ZNRF2: variants seen among roughly 807,000 people sequenced by gnomAD.
ZNRF2 encodes E3 ubiquitin-protein ligase ZNRF2.
A neutral mutation model predicts 20.4 loss-of-function variants in ZNRF2; 16 were observed. That is an observed-to-expected ratio of 0.79 (90% CI 0.53 to 1.19). ZNRF2 has a LOEUF of 1.19. Among genes scored for constraint, ZNRF2 ranks in the 50% most tolerant of loss-of-function variants. The pLI is 0.00. For missense variants in ZNRF2, 363 were observed against 332.4 expected (o/e 1.09, Z -0.72); for synonymous variants, 178 against 144.9 (o/e 1.23, Z -1.64).
chr7:30,313,471 AGTTTGT>A (rs1371545056), intron 1 of ZNRF2, among the ~76,000 whole-genome samples: 1 of 152,056 alleles, frequency 6.6e-6, no homozygotes, highest in Non-Finnish European at 1.5e-5. Context: ...TTCTCCCTCT[AGTTTGT>A]GAATTCCCAG....
chr7:30,312,596 T>C (rs1799308272), intron 1 of ZNRF2, among the ~76,000 whole-genome samples: 1 of 152,238 alleles, frequency 6.6e-6, no homozygotes, highest in South Asian at 2.1e-4. Context: ...AATATATATG[T>C]CACTCTGCGT....
At chr7:30,298,693 T>G (rs4000229) in intron 1 of ZNRF2, among the ~76,000 whole-genome samples, 300 of 152,336 alleles carry the variant, frequency 2.0e-3, no homozygotes, top group Non-Finnish European at 3.8e-3. Context: ...ACTTTTCCCT[T>G]TCCTAATAAC....
chr7:30,290,058 G>T (rs1798872998), intron 1 of ZNRF2, among the ~76,000 whole-genome samples: 1 of 152,046 alleles, frequency 6.6e-6, no homozygotes. Flanking sequence ...TGTATAATTG[G>T]GTATATTGGC....
At chr7:30,317,713 T>A (rs1399878101) in intron 1 of ZNRF2, among the ~76,000 whole-genome samples, 1 of 152,202 alleles carries the variant, frequency 6.6e-6, no homozygotes, top group East Asian at 1.9e-4. Flanking sequence ...AGCCTAGGAA[T>A]CAGAAGAGCT....
At chr7:30,285,856 C>T (rs751430448) in intron 1 of ZNRF2, 30 bp downstream of exon 1, 9 of 1,436,516 alleles carry the variant, frequency 6.3e-6, no homozygotes, top group Admixed American at 5.9e-5. Flanking sequence ...CACCCGCGCT[C>T]GGTCCTCCCG....
intron 1 of ZNRF2, among the ~76,000 whole-genome samples, chr7:30,297,336 T>C (rs377313142): frequency 6.6e-6 from 1 of 152,208 alleles, no homozygotes. Flanking sequence ...CTCTCTCTTA[T>C]GTTCAGTTTC....
chr7:30,347,038 C>T (rs1450727089), intron 2 of ZNRF2, among the ~76,000 whole-genome samples: 2 of 152,012 alleles, frequency 1.3e-5, no homozygotes, highest in Non-Finnish European at 2.9e-5. Flanking sequence ...AAGTTGTCAT[C>T]ATTGTTGCCT....
chr7:30,360,623 C>T (rs1458005128), intron 3 of ZNRF2, among the ~76,000 whole-genome samples: 1 of 151,906 alleles, frequency 6.6e-6, no homozygotes, highest in Admixed American at 6.6e-5. Flanking sequence ...ACCCGGGAGG[C>T]GGCAGAGTTT....
chr7:30,354,345 C>T (rs1288621920), intron 2 of ZNRF2, among the ~76,000 whole-genome samples: 1 of 152,124 alleles, frequency 6.6e-6, no homozygotes, highest in Non-Finnish European at 1.5e-5. Flanking sequence ...CTGATATAAA[C>T]CCTTCTTGCT....
intron 1 of ZNRF2, among the ~76,000 whole-genome samples, chr7:30,322,964 C>G (rs1390206337): frequency 6.6e-6 from 1 of 152,142 alleles, no homozygotes; most frequent in East Asian, 1.9e-4. Context: ...CAGGCAAATA[C>G]TTAGTAGTGC....
At chr7:30,327,277 A>G (rs1025599872) in intron 2 of ZNRF2, among the ~76,000 whole-genome samples, 1 of 152,152 alleles carries the variant, frequency 6.6e-6, no homozygotes, top group African/African-American at 2.4e-5. Flanking sequence ...TTTTACATTT[A>G]AGTCTTTAAT....
At position 30,285,370 on chromosome 7, in the gene ZNRF2, C is replaced by A; in HGVS notation, c.13C>A (p.Gln5Lys). 1 of 1,213,098 alleles carries A rather than the reference C, an allele frequency of 8.2e-7. No individual in the cohort carries two copies. The highest frequency in any genetic ancestry group is 3.6e-5 in the Admixed American group (1 of 27,554). The allele number at this position is 1,213,098 out of a possible 1,614,324, so 75.1% of individuals were successfully genotyped here. Residue 5 changes from glutamine to lysine, a missense_variant, in exon 1 of 5, where the codon CAG becomes AAG. By Grantham distance (53) the Gln-to-Lys change is moderately conservative. Transcript: ENST00000323037. MGAK[Q>K]SGPAAANGRT... Reference sequence around the variant, plus strand: ...GGGCAGGGCGGACATGGGCGCCAAACAGAGCGGCCCGGCCGCCGCTAACGG... The same window carrying A: ...GGGCAGGGCGGACATGGGCGCCAAAAAGAGCGGCCCGGCCGCCGCTAACGG...
intron 2 of ZNRF2, among the ~76,000 whole-genome samples, chr7:30,333,609 C>T (rs1418889590): frequency 6.6e-6 from 1 of 152,110 alleles, no homozygotes; most frequent in Non-Finnish European, 1.5e-5. Context: ...ACCTTGTGAT[C>T]CTTCCGCCTC....
chr7:30,344,084 G>C (rs895873658), intron 2 of ZNRF2, among the ~76,000 whole-genome samples: 3 of 151,384 alleles, frequency 2.0e-5, no homozygotes, highest in Non-Finnish European at 4.4e-5. Flanking sequence ...CATACACCCA[G>C]CTAATTTTTG....
Position 30,285,365 on chromosome 7 carries a change from C to T in ZNRF2, c.8C>T (p.Ala3Val). 1 of 1,205,458 alleles carries T rather than the reference C, an allele frequency of 8.3e-7. No individual in the cohort carries two copies. The allele number at this position is 1,205,458 out of a possible 1,614,324, so 74.7% of individuals were successfully genotyped here. ...GCCCGGGGCAGGGCGGACATGGGCG[C>T]CAAACAGAGCGGCCCGGCCGCCGCT... MG[A>V]KQSGPAAANG... The change falls in exon 1 of 5, where the codon GCC (alanine) becomes GTC (valine). Residue 3 changes from alanine to valine, a missense_variant. This residue lies in a region of ZNRF2 where 302 missense variants were observed against 231.5 expected (regional missense o/e 1.30). Coordinates refer to ENST00000323037, the MANE Select transcript of ZNRF2 (RefSeq NM_147128.4).
rs763439410 is a variant in ZNRF2, at chr7:30,285,744, C to G, written c.387C>G (p.Asp129Glu). The change falls in exon 1 of 5, where the codon GAC becomes GAG. Residue 129 changes from aspartate to glutamate, a missense_variant. Asp to Glu is a conservative substitution (Grantham distance 45). Coordinates refer to ENST00000323037, the MANE Select transcript of ZNRF2 (RefSeq NM_147128.4). ...SSPEDGGGGR[D>E]RPVGGSPGGP... ...CTGAGGACGGCGGCGGCGGCCGGGA[C>G]CGGCCGGTGGGCGGGAGCCCCGGCG... 7 of 1,478,304 alleles carry G rather than the reference C, an allele frequency of 4.7e-6. No individual in the cohort carries two copies. Among genetic ancestry groups the G allele is most frequent in the South Asian group, 1.3e-5 (1 of 75,300 alleles). The allele number at this position is 1,478,304 out of a possible 1,614,324, so 91.6% of individuals were successfully genotyped here.
At chr7:30,314,577 A>G (rs1182954411) in intron 1 of ZNRF2, among the ~76,000 whole-genome samples, 2 of 152,140 alleles carry the variant, frequency 1.3e-5, no homozygotes, top group African/African-American at 2.4e-5. Context: ...GGGTATCAGT[A>G]ATAAAAGCAA....
At chr7:30,289,098 A>G (rs1367149734) in intron 1 of ZNRF2, 1 of 152,228 alleles carries the variant, frequency 6.6e-6, no homozygotes, top group South Asian at 2.1e-4. Flanking sequence ...GTGAAAATGT[A>G]AAATGACTTA....
At chr7:30,324,609 C>A (rs114690145) in intron 2 of ZNRF2, among the ~76,000 whole-genome samples, 4,503 of 151,806 alleles carry the variant, frequency 0.03, 170 homozygotes, top group African/African-American at 0.088. Flanking sequence ...TTAGTGTTAC[C>A]ATGAAAATAG....
Sources: gnomAD v4.1 joint callset for allele counts (sites outside exome capture counted in the v4.1 genomes callset) on GRCh38, gnomAD v4.1.1 for gene constraint, gnomAD v4.1.1 regional missense constraint, MANE v1.5 for transcripts, NCBI Gene and HGNC (gene_info 2026-07-23, HGNC 2026-07-21) for gene names.